Variants in SP1 observed in about 807,000 individuals in gnomAD.
SP1 encodes the protein Sp1 transcription factor, also known as transcription factor Sp1.
SP1 carries 6 observed loss-of-function variants against 66.3 expected under a neutral mutation model. The ratio of observed to expected loss-of-function variants is 0.09; its 90% CI spans 0.05 to 0.18. The LOEUF is 0.18. Among genes scored for constraint, SP1 ranks in the 10% least tolerant of loss-of-function variants. The probability of loss-of-function intolerance (pLI) is 1.00; values close to 1 mark genes in which losing one functional copy is unlikely to be tolerated. For synonymous variants in SP1, 417 were observed against 360.8 expected (o/e 1.16, Z -1.77); for missense variants, 848 against 964.5 (o/e 0.88, Z 1.60).
In SP1 at chr12:53,391,346, C is replaced by CTTTTTTT. The variant is rs71068117; in HGVS notation, c.1675+7739_1675+7745dup. 1.1e-3 allele frequency among the ~76,000 whole-genome samples: 111 copies of CTTTTTTT among 97,456 alleles called. 2 individuals carry two copies. Among genetic ancestry groups the CTTTTTTT allele is most frequent in the African/African-American group, 2.8e-3 (72 of 25,824 alleles). The allele number at this position is 97,456 out of a possible 152,430, so 63.9% of individuals were successfully genotyped here. On this transcript the variant is annotated intron_variant, in intron 3 of 5. Coordinates refer to ENST00000327443, the MANE Select transcript of SP1 (RefSeq NM_138473.3). ...AGAACTTTTTTTTTTTAAGTAATGT[C>CTTTTTTT]TTTTTTTTTTTTTTTTTTTTTGAGA...
chr12:53,388,774 G>GT (rs1592558982), intron 3 of SP1, among the ~76,000 whole-genome samples: 1 of 152,072 alleles, frequency 6.6e-6, no homozygotes, highest in African/African-American at 2.4e-5. Context: ...GAGCTCAGGA[G>GT]TTCAAGACCA....
At position 53,415,390 on chromosome 12, in the gene SP1, G is replaced by GC. The variant is rs1373625265; in HGVS notation, c.*4152dup. On this transcript the variant is annotated 3_prime_UTR_variant, in exon 6 of 6. Transcript: ENST00000327443. ...TCCCTCTTCCAAATTTGGCTCACTT[G>GC]CCTTAGATCCAAGGCAGGGAAAGGA... is the stretch of plus-strand genomic sequence containing the variant. 6 of 152,250 alleles carry GC rather than the reference G, an allele frequency of 3.9e-5. No individual in the cohort carries two copies. The highest frequency in any genetic ancestry group is 7.4e-5 in the Non-Finnish European group (5 of 67,998). The allele number at this position is 152,250 out of a possible 1,614,324, so 9.4% of individuals were successfully genotyped here.
chr12:53,407,642 A>T (rs377580562), intron 4 of SP1, among the ~76,000 whole-genome samples: 43 of 122,126 alleles, frequency 3.5e-4, no homozygotes, highest in South Asian at 1.3e-3. Flanking sequence ...TTATTTATTT[A>T]TTTTTTTGTT....
chr12:53,389,302 A>G lies in SP1; in HGVS notation c.1675+5680A>G, dbSNP rs369586322. Among the ~76,000 whole-genome samples the G allele has an allele frequency of 2.5e-3, 366 of 147,276 alleles. 2 individuals are homozygous for G. Among genetic ancestry groups the G allele is most frequent in the African/African-American group, 8.9e-3 (353 of 39,648 alleles). ...AATGGTGTGGTCTCGGCTCACTGCA[A>G]CCTTTGCCTCCTGGGTTCAAGCAAT... On this transcript the variant is annotated intron_variant, in intron 3 of 5. Coordinates refer to ENST00000327443, the MANE Select transcript of SP1 (RefSeq NM_138473.3).
chr12:53,394,977 G>C (rs1166497845), intron 3 of SP1, among the ~76,000 whole-genome samples: 1 of 151,766 alleles, frequency 6.6e-6, no homozygotes, highest in Non-Finnish European at 1.5e-5. Context: ...GCAATCCTCC[G>C]ACTCAGCCTC....
rs1938747778 is a variant in SP1, at chr12:53,406,721, C to T, written c.1812C>T (p.Cys604=). 2.5e-6 allele frequency: 4 copies of T among 1,613,842 alleles called. No individual in the cohort carries two copies. Among genetic ancestry groups the T allele is most frequent in the Non-Finnish European group, 3.4e-6 (4 of 1,180,012 alleles). ...QAGRRTRREA[C]TCPYCKDSEG... ...GTCGGAGGACCCGGCGGGAAGCATG[C>T]ACCTGCCCCTACTGTAAAGACAGTG... Residue 604 remains cysteine (C), a synonymous_variant, in exon 4 of 6, where the codon TGC becomes TGT. Transcript: ENST00000327443.
chr12:53,380,940 G>GTTTT (rs1314608778), intron 1 of SP1, among the ~76,000 whole-genome samples: 1 of 131,448 alleles, frequency 7.6e-6, no homozygotes, highest in African/African-American at 3.0e-5. Context: ...TTGGATTTTT[G>GTTTT]TTTGTCTTTT....
Position 53,380,716 on chromosome 12 carries a change from CA to C in SP1, c.7+419del, listed in dbSNP as rs1197694358. ...GCCTGCTCCAAGGCCCTCCTCCCCC[CA>C]CTTTCCGTAGATTTCCCTTCCCCCC... On this transcript the variant is annotated intron_variant, in intron 1 of 5. Coordinates refer to ENST00000327443, the MANE Select transcript of SP1 (RefSeq NM_138473.3). 2.0e-5 allele frequency: 19 copies of C among 963,320 alleles called. No homozygotes were observed. In the Middle Eastern group the frequency reaches 1.6e-3, roughly 81 times the overall value. 59.7% of individuals were successfully genotyped at this position (963,320 alleles called of 1,614,324 possible).
chr12:53,404,603 GAA>G (rs1428925869), intron 3 of SP1, among the ~76,000 whole-genome samples: 1 of 151,670 alleles, frequency 6.6e-6, no homozygotes, highest in African/African-American at 2.4e-5. Flanking sequence ...AGCTGTGTTT[GAA>G]AATGTCAAAT....
chr12:53,383,408 G>A lies in SP1; in HGVS notation c.1461G>A (p.Met487Ile), dbSNP rs1938154405. ...CCCAAACAATCACCTTAGCCCCAAT[G>A]CAGGGTGTTTCCTTGGGGCAGACCA... ...PQAQTITLAP[M>I]QGVSLGQTSS... The change falls in exon 3 of 6, where the codon ATG becomes ATA. Residue 487 changes from methionine (M) to isoleucine (I), a missense_variant. Around this residue, in one of 7 missense-constraint regions of SP1, gnomAD observed 606 missense variants for 589.9 expected, o/e 1.03. Transcript: ENST00000327443. 1.2e-6 allele frequency: 2 copies of A among 1,614,106 alleles called. No homozygotes were observed. The highest frequency in any genetic ancestry group is 2.7e-5 in the African/African-American group (2 of 74,942).
intron 3 of SP1, among the ~76,000 whole-genome samples, chr12:53,389,409 A>G (rs2694845): frequency 0.069 from 10,483 of 151,762 alleles, 1,183 homozygotes; most frequent in African/African-American, 0.24. Context: ...GAGTTTCACC[A>G]TGTTGGCCAG....
At chr12:53,394,249 C>A (rs896589171) in intron 3 of SP1, among the ~76,000 whole-genome samples, 2 of 151,878 alleles carry the variant, frequency 1.3e-5, no homozygotes, top group African/African-American at 4.8e-5. Context: ...GCTTAGAATT[C>A]TTTGACTGGT....
At chr12:53,404,242 G>A (rs1040649355) in intron 3 of SP1, among the ~76,000 whole-genome samples, 22 of 146,078 alleles carry the variant, frequency 1.5e-4, no homozygotes, top group African/African-American at 5.5e-4. Context: ...CTTTTGCGAA[G>A]AATATTATCA....
At chr12:53,404,916 A>G (rs1938698073) in intron 3 of SP1, among the ~76,000 whole-genome samples, 1 of 151,934 alleles carries the variant, frequency 6.6e-6, no homozygotes, top group South Asian at 2.1e-4. Context: ...GCTCACTGCA[A>G]CCTCTGCCTC....
chr12:53,389,366 G>A (rs1394209033), intron 3 of SP1, among the ~76,000 whole-genome samples: 2 of 151,446 alleles, frequency 1.3e-5, no homozygotes, highest in Admixed American at 6.6e-5. Context: ...CCACCACCAC[G>A]CCTGGCTAAT....
At chr12:53,396,156 C>T (rs552272117) in intron 3 of SP1, among the ~76,000 whole-genome samples, 1 of 151,710 alleles carries the variant, frequency 6.6e-6, no homozygotes, top group South Asian at 2.1e-4. Context: ...TGGCAGGCAC[C>T]TGTAGTCCCA....
intron 3 of SP1, among the ~76,000 whole-genome samples, chr12:53,390,540 G>A (rs1018102007): frequency 5.3e-5 from 8 of 152,044 alleles, no homozygotes; most frequent in Admixed American, 1.3e-4. Flanking sequence ...AAAATCAGCC[G>A]GGCATGGCGG....
intron 4 of SP1, 22 bp downstream of exon 4, chr12:53,406,775 C>CT (rs1938749049): frequency 3.2e-6 from 5 of 1,584,142 alleles, no homozygotes; most frequent in Non-Finnish European, 4.3e-6. Flanking sequence ...CAGCCAGTTT[C>CT]TTACAAATAT....
rs1321694687 is a variant in SP1, at chr12:53,412,027, C to G, written c.*787C>G. The G allele has an allele frequency of 6.6e-6, 1 of 152,160 alleles. No homozygotes were observed. Among genetic ancestry groups the G allele is most frequent in the Non-Finnish European group, 1.5e-5 (1 of 68,038 alleles). The allele number at this position is 152,160 out of a possible 1,614,324, so 9.4% of individuals were successfully genotyped here. On this transcript the variant is annotated 3_prime_UTR_variant, in exon 6 of 6. Transcript: ENST00000327443. The stretch of plus-strand genomic sequence containing the variant: ...TTGTTACTGCCTGGATGAGGCACTT[C>G]TGTCAATTTTTTCAGGACCTTAGTT...
Sources: gnomAD v4.1 joint callset for allele counts (sites outside exome capture counted in the v4.1 genomes callset) on GRCh38, gnomAD v4.1.1 for gene constraint, gnomAD v4.1.1 regional missense constraint, MANE v1.5 for transcripts, NCBI Gene and HGNC (gene_info 2026-07-23, HGNC 2026-07-21) for gene names.